EYS: variants seen among roughly 807,000 people sequenced by gnomAD.
The protein encoded by EYS is EGF-like photoreceptor maintenance factor.
A neutral mutation model predicts 282.1 loss-of-function variants in EYS; 250 were observed. The ratio of observed to expected loss-of-function variants is 0.89; its 90% CI spans 0.80 to 0.98. EYS has a LOEUF of 0.98. EYS is among the 50% of genes least tolerant of loss of function. The pLI is 0.00. For missense variants in EYS, 4,016 were observed against 3,709.0 expected (o/e 1.08, Z -2.15); for synonymous variants, 1,355 against 1,282.9 (o/e 1.06, Z -1.20).
intron 5 of EYS, among the ~76,000 whole-genome samples, chr6:65,452,328 A>ATT (rs71850095): frequency 6.7e-6 from 1 of 149,064 alleles, no homozygotes; most frequent in Non-Finnish European, 1.5e-5. Context: ...ACATGGAAAG[A>ATT]TTTTTTTTTT....
chr6:65,066,882 A>G (rs187703112), intron 12 of EYS, among the ~76,000 whole-genome samples: 197 of 152,278 alleles, frequency 1.3e-3, no homozygotes, highest in Admixed American at 2.1e-3. Flanking sequence ...TATCTGCTTA[A>G]CAATATCAAA....
chr6:64,837,306 G>C (rs1184784676), intron 19 of EYS, among the ~76,000 whole-genome samples: 1 of 151,218 alleles, frequency 6.6e-6, no homozygotes, highest in Non-Finnish European at 1.5e-5. Context: ...TCCTCAATAA[G>C]CTAGGCATAG....
chr6:64,039,333 C>G (rs1389016522), intron 33 of EYS, among the ~76,000 whole-genome samples: 1 of 152,092 alleles, frequency 6.6e-6, no homozygotes, highest in Non-Finnish European at 1.5e-5. Flanking sequence ...GAATCTAACT[C>G]AAGTCAACTG....
At chr6:65,229,068 C>T (rs764634177) in intron 12 of EYS, among the ~76,000 whole-genome samples, 6 of 151,808 alleles carry the variant, frequency 4.0e-5, no homozygotes, top group Non-Finnish European at 8.8e-5. Context: ...TGAGAGTAGA[C>T]AAAATTGAGC....
At chr6:65,631,475 GA>G (rs5876981) in intron 2 of EYS, among the ~76,000 whole-genome samples, 4,499 of 143,050 alleles carry the variant, frequency 0.031, 112 homozygotes, top group African/African-American at 0.07. Flanking sequence ...AACATGAATG[GA>G]AAAAAAAAAA....
intron 33 of EYS, among the ~76,000 whole-genome samples, chr6:64,003,582 C>CACAAATGG (rs1768198781): frequency 6.6e-6 from 1 of 152,018 alleles, no homozygotes; most frequent in Non-Finnish European, 1.5e-5. Flanking sequence ...ACTATGGACC[C>CACAAATGG]ACAAAACTTA....
At chr6:64,972,447 C>T (rs947050906) in intron 14 of EYS, among the ~76,000 whole-genome samples, 1 of 152,008 alleles carries the variant, frequency 6.6e-6, no homozygotes, top group African/African-American at 2.4e-5. Flanking sequence ...CCTCTTCCAC[C>T]TCTGCGACTC....
At chr6:65,249,602 C>T (rs966775348) in intron 12 of EYS, among the ~76,000 whole-genome samples, 11 of 149,758 alleles carry the variant, frequency 7.3e-5, no homozygotes, top group Non-Finnish European at 1.5e-4. Flanking sequence ...AAAAGAAAAA[C>T]AGAATTAGAA....
intron 26 of EYS, among the ~76,000 whole-genome samples, chr6:64,564,984 A>G (rs1765519191): frequency 6.6e-6 from 1 of 152,076 alleles, no homozygotes; most frequent in Non-Finnish European, 1.5e-5. Context: ...TCTTTTGAGA[A>G]ATGTGTATTC....
intron 14 of EYS, among the ~76,000 whole-genome samples, chr6:64,952,128 G>A (rs1314726689): frequency 6.6e-6 from 1 of 151,958 alleles, no homozygotes; most frequent in Non-Finnish European, 1.5e-5. Context: ...CCCAGTATCA[G>A]AAGCAAGAAC....
intron 33 of EYS, among the ~76,000 whole-genome samples, chr6:64,045,909 G>T (rs1371814613): frequency 6.9e-6 from 1 of 145,854 alleles, no homozygotes; most frequent in African/African-American, 2.5e-5. Context: ...ATACATATAT[G>T]TTTATTATAT....
At chr6:64,646,179 G>A (rs1051873460) in intron 22 of EYS, among the ~76,000 whole-genome samples, 12 of 152,320 alleles carry the variant, frequency 7.9e-5, no homozygotes, top group African/African-American at 2.9e-4. Context: ...CCCAGTCGTG[G>A]AAGCATCACG....
intron 1 of EYS, among the ~76,000 whole-genome samples, chr6:65,704,244 A>C (rs1769789799): frequency 6.6e-6 from 1 of 152,220 alleles, no homozygotes; most frequent in African/African-American, 2.4e-5. Context: ...CATTACATAC[A>C]ATAGTTTATG....
intron 35 of EYS, among the ~76,000 whole-genome samples, chr6:63,967,854 C>A (rs545185776): frequency 6.6e-6 from 1 of 152,300 alleles, no homozygotes; most frequent in Non-Finnish European, 1.5e-5. Flanking sequence ...ATGTCAGCCT[C>A]TTACAGCCCT....
At chr6:64,477,144 G>A (rs1318692309) in intron 26 of EYS, among the ~76,000 whole-genome samples, 1 of 152,044 alleles carries the variant, frequency 6.6e-6, no homozygotes, top group Non-Finnish European at 1.5e-5. Context: ...CCCTTCAAGG[G>A]TTCTACACGT....
At chr6:64,380,544 C>T (rs1433627121) in intron 29 of EYS, among the ~76,000 whole-genome samples, 1 of 152,016 alleles carries the variant, frequency 6.6e-6, no homozygotes, top group Non-Finnish European at 1.5e-5. Context: ...ATATTTATTG[C>T]CTCACAAAAT....
intron 29 of EYS, among the ~76,000 whole-genome samples, chr6:64,316,675 C>T (rs1319897852): frequency 6.6e-6 from 1 of 152,126 alleles, no homozygotes; most frequent in Non-Finnish European, 1.5e-5. Context: ...CCCCATCAAG[C>T]TACCATTGAT....
Position 64,701,380 on chromosome 6 carries a change from A to T in EYS, c.3444-75135T>A, listed in dbSNP as rs540943539. Among the ~76,000 whole-genome samples the T allele has an allele frequency of 4.6e-5, 7 of 152,234 alleles. No homozygotes were observed. In the East Asian group the frequency reaches 1.3e-3, roughly 29 times the overall value. ...TGAGACTTAAACTAAAATAATCAACAGGGTCAACAGACAACTTGCAGAATG... is the reference window on the plus strand; with the variant it reads ...TGAGACTTAAACTAAAATAATCAACTGGGTCAACAGACAACTTGCAGAATG... On this transcript the variant is annotated intron_variant, in intron 22 of 42. Coordinates refer to ENST00000503581, the MANE Select transcript of EYS (RefSeq NM_001142800.2).
At chr6:64,047,637 T>C (rs564718160) in intron 33 of EYS, among the ~76,000 whole-genome samples, 1 of 152,346 alleles carries the variant, frequency 6.6e-6, no homozygotes, top group South Asian at 2.1e-4. Context: ...GAAGAGTGTT[T>C]GTCACATAAT....
Sources: allele counts gnomAD v4.1 joint callset (sites outside exome capture counted in the v4.1 genomes callset), GRCh38; gene constraint gnomAD v4.1.1; transcripts MANE v1.5; gene names NCBI Gene and HGNC (gene_info 2026-07-23, HGNC 2026-07-21).